Variants in SLC12A8 observed in about 807,000 individuals in gnomAD.
SLC12A8 encodes the protein cation-chloride cotransporter 9.
In SLC12A8, 69 loss-of-function variants were observed where a neutral mutation model predicts 75.6. The ratio of observed to expected loss-of-function variants is 0.91; its 90% CI spans 0.75 to 1.11. SLC12A8 has a LOEUF of 1.11. SLC12A8 is among the 50% of genes most tolerant of loss of function. The pLI is 0.00. For missense variants in SLC12A8, 877 were observed against 896.7 expected (o/e 0.98, Z 0.28); for synonymous variants, 365 against 372.8 (o/e 0.98, Z 0.24).
chr3:125,108,491 C>T (rs894225648), intron 9 of SLC12A8, among the ~76,000 whole-genome samples: 2 of 152,052 alleles, frequency 1.3e-5, no homozygotes, highest in Non-Finnish European at 2.9e-5. Flanking sequence ...ACCTCAGCAT[C>T]CTGAATAGCT....
chr3:125,092,191 G>A lies in SLC12A8; in HGVS notation c.1713C>T (p.Phe571=). The change falls in exon 11 of 14, where the codon TTC becomes TTT. Residue 571 remains phenylalanine, a synonymous_variant. Coordinates refer to ENST00000469902, the MANE Select transcript of SLC12A8 (RefSeq NM_024628.6). The part of the protein sequence containing the change: ...NQSESSGEDF[F]LKSRLQEQDV... ...CTTGTTCTTGGAGCCTGGACTTCAG[G>A]AAGAAATCTAAAAAATAGCCAAAGA... 1.9e-6 allele frequency: 3 copies of A among 1,611,780 alleles called. No homozygotes were observed. Among genetic ancestry groups the A allele is most frequent in the Non-Finnish European group, 8.5e-7 (1 of 1,178,302 alleles).
At chr3:125,193,689 A>C (rs886796835) in intron 2 of SLC12A8, among the ~76,000 whole-genome samples, 7 of 152,160 alleles carry the variant, frequency 4.6e-5, no homozygotes, top group Non-Finnish European at 2.9e-5. Context: ...GATTCTCCTG[A>C]GTCTGCATCC....
chr3:125,092,612 C>A (rs897057295), intron 10 of SLC12A8, among the ~76,000 whole-genome samples: 1 of 152,052 alleles, frequency 6.6e-6, no homozygotes, highest in East Asian at 1.9e-4. Flanking sequence ...GTCTTTGCTA[C>A]CTTCTGACTC....
At chr3:125,182,960 A>G (rs369311303) in intron 4 of SLC12A8, among the ~76,000 whole-genome samples, 3 of 152,218 alleles carry the variant, frequency 2.0e-5, no homozygotes, top group African/African-American at 7.2e-5. Flanking sequence ...CCAATGTGTT[A>G]ACTGACTACA....
At chr3:125,154,943 A>G (rs1195412216) in intron 5 of SLC12A8, 1 of 152,156 alleles carries the variant, frequency 6.6e-6, no homozygotes, top group Non-Finnish European at 1.5e-5. Context: ...GCCCTCTGCT[A>G]CTTGACAGTT....
intron 3 of SLC12A8, among the ~76,000 whole-genome samples, chr3:125,189,768 A>C (rs1560081122): frequency 6.6e-6 from 1 of 152,176 alleles, no homozygotes; most frequent in African/African-American, 2.4e-5. Flanking sequence ...TGGGACTGAG[A>C]ACCCCTGCCC....
intron 10 of SLC12A8, among the ~76,000 whole-genome samples, chr3:125,100,644 G>T (rs1938846015): frequency 6.6e-6 from 1 of 151,478 alleles, no homozygotes; most frequent in African/African-American, 2.4e-5. Flanking sequence ...CTGACCTCAG[G>T]TGATCCACCT....
intron 5 of SLC12A8, among the ~76,000 whole-genome samples, chr3:125,141,946 C>T (rs926966853): frequency 6.6e-6 from 1 of 152,000 alleles, no homozygotes; most frequent in Non-Finnish European, 1.5e-5. Context: ...GGGAAGGGAC[C>T]CGCACGACGA....
intron 2 of SLC12A8, among the ~76,000 whole-genome samples, chr3:125,206,350 C>T (rs1003913979): frequency 1.3e-5 from 2 of 152,208 alleles, no homozygotes; most frequent in African/African-American, 4.8e-5. Flanking sequence ...CTGGGCAAGT[C>T]ACTCAATATT....
At chr3:125,141,369 G>T (rs1260872616) in intron 5 of SLC12A8, among the ~76,000 whole-genome samples, 1 of 152,188 alleles carries the variant, frequency 6.6e-6, no homozygotes, top group Non-Finnish European at 1.5e-5. Flanking sequence ...GGTGCTCGTG[G>T]GAGCCTACCC....
intron 6 of SLC12A8, among the ~76,000 whole-genome samples, chr3:125,134,946 TG>T (rs1933452091): frequency 6.6e-6 from 1 of 152,236 alleles, no homozygotes; most frequent in Non-Finnish European, 1.5e-5. Context: ...GTCTGTTCCC[TG>T]GGGACAAGCC....
At chr3:125,153,328 C>G (rs147148604) in intron 5 of SLC12A8, among the ~76,000 whole-genome samples, 41 of 152,348 alleles carry the variant, frequency 2.7e-4, no homozygotes, top group African/African-American at 9.6e-4. Context: ...CTACTCAGCA[C>G]CGCGTGCCAT....
At chr3:125,146,811 G>T (rs890887827) in intron 5 of SLC12A8, among the ~76,000 whole-genome samples, 2 of 152,222 alleles carry the variant, frequency 1.3e-5, no homozygotes, top group Non-Finnish European at 2.9e-5. Flanking sequence ...AGCTAAGTTT[G>T]TACATTTTTT....
Position 125,165,624 on chromosome 3 carries a change from T to A in SLC12A8, c.622+12119A>T, listed in dbSNP as rs138568634. Among the ~76,000 whole-genome samples, 283 of 152,302 alleles carry A rather than the reference T, an allele frequency of 1.9e-3. 1 individual carries two copies. Among genetic ancestry groups the A allele is most frequent in the African/African-American group, 6.5e-3 (269 of 41,574 alleles). On this transcript the variant is annotated intron_variant, in intron 5 of 13. Coordinates refer to ENST00000469902, the MANE Select transcript of SLC12A8 (RefSeq NM_024628.6). ...CAGGCAGATGTTCCCCATGGGGGCA[T>A]GGAGGGCTCCCTCCAGGCACCCATG... is the stretch of plus-strand genomic sequence containing the variant.
At chr3:125,151,946 T>C (rs149392744) in intron 5 of SLC12A8, among the ~76,000 whole-genome samples, 2 of 152,344 alleles carry the variant, frequency 1.3e-5, no homozygotes, top group African/African-American at 4.8e-5. Flanking sequence ...GAGGCAGATA[T>C]TATTATTCTC....
Position 125,107,814 on chromosome 3 carries a change from A to G in SLC12A8, c.1372T>C (p.Phe458Leu), listed in dbSNP as rs2107742073. 6.2e-7 allele frequency: 1 copy of G among 1,614,082 alleles called. No individual in the cohort carries two copies. The highest frequency in any genetic ancestry group is 1.1e-5 in the South Asian group (1 of 91,076). Residue 458 changes from phenylalanine to leucine, a missense_variant, in exon 10 of 14, where the codon TTC becomes CTC. Transcript: ENST00000469902. ...QRVLEGTLLE[F>L]TKDMDQLLQL... is the part of the protein sequence containing the mutation. ...AGGAGCTGATCCATGTCCTTGGTGA[A>G]TTCCAGTAGCGTGCCCTCCAAGACT...
intron 2 of SLC12A8, among the ~76,000 whole-genome samples, chr3:125,199,008 G>A (rs1417770840): frequency 6.6e-6 from 1 of 152,008 alleles, no homozygotes; most frequent in South Asian, 2.1e-4. Flanking sequence ...TCGATCTCCT[G>A]ACCTCGTGAT....
At chr3:125,120,458 G>A in intron 7 of SLC12A8, 141 bp downstream of exon 7, 2 of 724,158 alleles carry the variant, frequency 2.8e-6, no homozygotes, top group South Asian at 1.5e-5. Flanking sequence ...CCAGCCCACC[G>A]AGTGTTAAAA....
In SLC12A8 at chr3:125,107,595, G is replaced by GC; in HGVS notation, c.1590dup (p.Gln531AlafsTer18). 1.2e-6 allele frequency: 2 copies of GC among 1,614,172 alleles called. No individual in the cohort carries two copies. The highest frequency in any genetic ancestry group is 1.7e-6 in the Non-Finnish European group (2 of 1,180,036). ...GTCTGCTTGTTCCAGCAGGACTCCT[G>GC]CCCCTCCCAGGAGGCAGCGGGCAAC... On this transcript the variant is annotated frameshift_variant, in exon 10 of 14. Coordinates refer to ENST00000469902, the MANE Select transcript of SLC12A8 (RefSeq NM_024628.6). LOFTEE classifies it high-confidence loss of function.
Sources: gnomAD v4.1 joint callset for allele counts (sites outside exome capture counted in the v4.1 genomes callset) on GRCh38, gnomAD v4.1.1 for gene constraint, MANE v1.5 for transcripts, NCBI Gene and HGNC (gene_info 2026-07-23, HGNC 2026-07-21) for gene names.